Variants in PIK3C2G observed in about 807,000 individuals in gnomAD.
PIK3C2G encodes the protein phosphatidylinositol-4-phosphate 3-kinase catalytic subunit type 2 gamma.
PIK3C2G carries 168 observed loss-of-function variants against 181.1 expected under a neutral mutation model. The ratio of observed to expected loss-of-function variants is 0.93; its 90% CI spans 0.82 to 1.05. PIK3C2G has a LOEUF of 1.05. Among genes scored for constraint, PIK3C2G ranks in the 50% least tolerant of loss-of-function variants. The probability of loss-of-function intolerance (pLI) is 0.00; values close to 1 mark genes in which losing one functional copy is unlikely to be tolerated. For synonymous variants in PIK3C2G, 573 were observed against 592.2 expected, an observed-to-expected ratio of 0.97 and a Z score of 0.47; for missense variants, 1,869 against 1,732.8, an observed-to-expected ratio of 1.08 and a Z score of -1.40.
intron 18 of PIK3C2G, among the ~76,000 whole-genome samples, chr12:18,425,553 G>A (rs993104589): frequency 4.6e-5 from 7 of 151,730 alleles, no homozygotes; most frequent in Non-Finnish European, 8.8e-5. Context: ...CACCACGCCT[G>A]GCTAATTTTT....
chr12:18,293,826 T>C, intron 4 of PIK3C2G, 75 bp from the exon 5 acceptor site: 1 of 710,580 alleles, frequency 1.4e-6, no homozygotes, highest in Non-Finnish European at 2.5e-6. Flanking sequence ...TTGGTCATAT[T>C]TTGTGCTCAA....
chr12:18,369,418 TCATATAATTGACATATGATCATATAA>T (rs1941873766), intron 12 of PIK3C2G, among the ~76,000 whole-genome samples: 1 of 152,080 alleles, frequency 6.6e-6, no homozygotes, highest in African/African-American at 2.4e-5. Flanking sequence ...CATATAATGA[TCATATAATTGACATATGATCATATAA>T]CGATCGTATA....
At chr12:18,546,717 A>G (rs1199654252) in intron 26 of PIK3C2G, among the ~76,000 whole-genome samples, 2 of 152,070 alleles carry the variant, frequency 1.3e-5, no homozygotes, top group East Asian at 1.9e-4. Flanking sequence ...ACATAAATAA[A>G]TTGGTTGTTC....
At chr12:18,600,749 G>A (rs1003548317) in intron 30 of PIK3C2G, among the ~76,000 whole-genome samples, 1 of 151,946 alleles carries the variant, frequency 6.6e-6, no homozygotes, top group African/African-American at 2.4e-5. Context: ...TTGGCCCAGA[G>A]AAGATGATTC....
intron 16 of PIK3C2G, among the ~76,000 whole-genome samples, chr12:18,414,525 T>C (rs1310915841): frequency 6.6e-6 from 1 of 152,072 alleles, no homozygotes; most frequent in Non-Finnish European, 1.5e-5. Context: ...TTTTTACTAT[T>C]TTTAAGGAAT....
At chr12:18,373,256 G>C (rs993203590) in intron 13 of PIK3C2G, among the ~76,000 whole-genome samples, 1 of 152,104 alleles carries the variant, frequency 6.6e-6, no homozygotes, top group African/African-American at 2.4e-5. Context: ...CCTTTCGGGG[G>C]TAATCCCTGC....
the PIK3C2G span, chr12:18,712,759 C>T: frequency 6.7e-7 from 1 of 1,500,340 alleles, no homozygotes; most frequent in African/African-American, 1.4e-5. Context: ...TAAAGTAAGG[C>T]TAAGCATTAT....
chr12:18,685,664 A>G, the PIK3C2G span: 2 of 516,388 alleles, frequency 3.9e-6, no homozygotes, highest in Non-Finnish European at 7.7e-6. Flanking sequence ...TTGACCTAAG[A>G]AGAGAAATAA....
the PIK3C2G span, chr12:18,692,699 A>G: frequency 1.3e-4 from 98 of 748,000 alleles, no homozygotes; most frequent in Middle Eastern, 3.7e-4. Context: ...AACAAAATCA[A>G]ATACAGACTT....
At chr12:18,340,612 A>G (rs1290126623) in intron 9 of PIK3C2G, among the ~76,000 whole-genome samples, 4 of 152,194 alleles carry the variant, frequency 2.6e-5, no homozygotes, top group African/African-American at 9.6e-5. Context: ...AAGCTCCAAG[A>G]GCTGATAAAA....
At chr12:18,669,613 G>C in the PIK3C2G span, among the ~76,000 whole-genome samples, 9 of 151,954 alleles carry the variant, frequency 5.9e-5, no homozygotes, top group Non-Finnish European at 1.0e-4. Context: ...AGTTGCCTTT[G>C]CAGCTGAATC....
chr12:18,415,230 T>G (rs1592201841), intron 16 of PIK3C2G, among the ~76,000 whole-genome samples: 1 of 152,114 alleles, frequency 6.6e-6, no homozygotes, highest in South Asian at 2.1e-4. Flanking sequence ...ATCGGTGAGG[T>G]TTTTCCAGCA....
intron 13 of PIK3C2G, among the ~76,000 whole-genome samples, chr12:18,373,971 G>A (rs1420053964): frequency 2.0e-5 from 3 of 152,144 alleles, no homozygotes; most frequent in Non-Finnish European, 2.9e-5. Flanking sequence ...ACAATGTAGC[G>A]AGAAAGTGTT....
intron 3 of PIK3C2G, among the ~76,000 whole-genome samples, chr12:18,289,953 T>C (rs1008376474): frequency 6.6e-6 from 1 of 152,214 alleles, no homozygotes; most frequent in African/African-American, 2.4e-5. Flanking sequence ...AATATCTTCA[T>C]GTTATGTTCT....
chr12:18,383,410 G>A (rs1251839528), intron 14 of PIK3C2G, among the ~76,000 whole-genome samples: 1 of 152,152 alleles, frequency 6.6e-6, no homozygotes. Flanking sequence ...GAATAGCAAT[G>A]AATATTTCTG....
chr12:18,598,999 C>T (rs1349584648), intron 30 of PIK3C2G, among the ~76,000 whole-genome samples: 1 of 150,234 alleles, frequency 6.7e-6, no homozygotes, highest in Admixed American at 6.6e-5. Context: ...CAGGAAACAA[C>T]AGGTGCTGGA....
At chr12:18,320,804 G>A (rs1261918903) in intron 6 of PIK3C2G, among the ~76,000 whole-genome samples, 158 bp from the exon 7 acceptor site, 1 of 152,218 alleles carries the variant, frequency 6.6e-6, no homozygotes, top group African/African-American at 2.4e-5. Flanking sequence ...ATATAGTTAA[G>A]GAGAGCCTTT....
At chr12:18,430,816 T>G (rs1394303028) in intron 18 of PIK3C2G, among the ~76,000 whole-genome samples, 1 of 152,182 alleles carries the variant, frequency 6.6e-6, no homozygotes, top group Non-Finnish European at 1.5e-5. Context: ...GAGCAGCATC[T>G]TCTGTACCAG....
rs190315020 is a variant in PIK3C2G, at chr12:18,494,096, T to A, written c.2794-1966T>A. ...GCTTCTCAAGGACAGAGATCCTATC[T>A]TCCTTTCTTCCAGCTTTTCTATCTT... On this transcript the variant is annotated intron_variant, in intron 20 of 32. Transcript: ENST00000538779. 1.4e-4 allele frequency among the ~76,000 whole-genome samples: 22 copies of A among 152,324 alleles called. 1 individual carries two copies. The highest frequency in any genetic ancestry group is 1.2e-3 in the Admixed American group (18 of 15,288).
Sources: gnomAD v4.1 joint callset for allele counts (sites outside exome capture counted in the v4.1 genomes callset) on GRCh38, gnomAD v4.1.1 for gene constraint, MANE v1.5 for transcripts, NCBI Gene and HGNC (gene_info 2026-07-23, HGNC 2026-07-21) for gene names.